PPIH: variants seen among roughly 807,000 people sequenced by gnomAD.
PPIH encodes peptidylprolyl isomerase H.
In PPIH, 16 loss-of-function variants were observed where a neutral mutation model predicts 27.6. The ratio of observed to expected loss-of-function variants is 0.58; its 90% CI spans 0.39 to 0.88. The LOEUF is 0.88. Ranked by LOEUF, PPIH falls within the 40% of genes least tolerant of loss-of-function variation. The pLI, the probability that PPIH is intolerant of heterozygous loss-of-function variation, is 0.00. For synonymous variants in PPIH, 63 were observed against 76.1 expected, an observed-to-expected ratio of 0.83 and a Z score of 0.90; for missense variants, 155 against 224.1, an observed-to-expected ratio of 0.69 and a Z score of 1.97.
chr1:42,673,325 T>C (rs143061721), intron 9 of PPIH, among the ~76,000 whole-genome samples: 1 of 152,318 alleles, frequency 6.6e-6, no homozygotes, highest in Admixed American at 6.5e-5. Flanking sequence ...ATGTATAGCA[T>C]AAATGAACCT....
intron 6 of PPIH, among the ~76,000 whole-genome samples, chr1:42,665,266 G>A (rs1430665607): frequency 6.6e-6 from 1 of 152,030 alleles, no homozygotes; most frequent in Non-Finnish European, 1.5e-5. Flanking sequence ...TTAGCCAGGT[G>A]TGGTGGTGGG....
intron 6 of PPIH, among the ~76,000 whole-genome samples, chr1:42,665,582 G>T (rs1326791201): frequency 6.6e-6 from 1 of 152,112 alleles, no homozygotes; most frequent in Non-Finnish European, 1.5e-5. Flanking sequence ...GCTCACACCT[G>T]TAATCCCAGC....
downstream of PPIH, chr1:42,681,389 G>A (rs1650014581): frequency 6.6e-6 from 1 of 152,156 alleles, no homozygotes; most frequent in Non-Finnish European, 1.5e-5. Flanking sequence ...TGCAGCTCTG[G>A]AGTATTTACC....
chr1:42,671,346 T>C (rs1323630822), intron 9 of PPIH, among the ~76,000 whole-genome samples: 2 of 152,130 alleles, frequency 1.3e-5, no homozygotes, highest in Non-Finnish European at 2.9e-5. Context: ...GAGAATCTCT[T>C]GAACCCGAGA....
intron 4 of PPIH, among the ~76,000 whole-genome samples, chr1:42,660,535 T>C (rs1318390128): frequency 6.6e-6 from 1 of 152,110 alleles, no homozygotes; most frequent in Non-Finnish European, 1.5e-5. Context: ...GTTCAAGCAA[T>C]TCTTCTGCCT....
chr1:42,672,135 G>A (rs895722436), intron 9 of PPIH, among the ~76,000 whole-genome samples: 1 of 151,924 alleles, frequency 6.6e-6, no homozygotes, highest in Admixed American at 6.6e-5. Flanking sequence ...CATCCGCCTC[G>A]GACTCCCAAA....
At chr1:42,662,498 G>T (rs1054547443) in intron 5 of PPIH, among the ~76,000 whole-genome samples, 3 of 151,888 alleles carry the variant, frequency 2.0e-5, no homozygotes, top group African/African-American at 7.3e-5. Context: ...AGGCTGCAGT[G>T]AGCCATGTTC....
Position 42,660,830 on chromosome 1 carries a change from ATCT to A in PPIH, c.201-28_201-26del, listed in dbSNP as rs773758799. ...CATCTATGTTTTTCTAAACCATAAA[ATCT>A]TCTCAGTATTCTTTGCTCTCTGTTT... On this transcript the variant is annotated intron_variant, in intron 4 of 9. Transcript: ENST00000304979. 2.6e-6 allele frequency: 4 copies of A among 1,549,232 alleles called. No individual in the cohort carries two copies. The Admixed American group carries it at 6.1e-5, about 24-fold the overall frequency.
Position 42,658,858 on chromosome 1 carries a change from G to A in PPIH, c.81G>A (p.Met27Ile), listed in dbSNP as rs780070320. 6.2e-7 allele frequency: 1 copy of A among 1,614,252 alleles called. No homozygotes were observed. The highest frequency in any genetic ancestry group is 8.5e-7 in the Non-Finnish European group (1 of 1,180,044). The change falls in exon 2 of 10, where the codon ATG becomes ATA. Residue 27 changes from methionine to isoleucine, a missense_variant. Met to Ile is a conservative substitution (Grantham distance 10). Transcript: ENST00000304979. Reference sequence around the variant, plus strand: ...GCTGATTGCAGGAAGTTGGCCGCATGAAGATCGAGCTCTTTGCAGACGTTG... The same window carrying A: ...GCTGATTGCAGGAAGTTGGCCGCATAAAGATCGAGCTCTTTGCAGACGTTG... Reference protein sequence around the residue: ...VSIGGQEVGRMKIELFADVVP... With the variant: ...VSIGGQEVGRIKIELFADVVP...
intron 9 of PPIH, among the ~76,000 whole-genome samples, chr1:42,673,516 C>T (rs1649744974): frequency 6.6e-6 from 1 of 152,160 alleles, no homozygotes; most frequent in Admixed American, 6.5e-5. Context: ...AGAGAGCTTT[C>T]CTTAATTCAT....
At chr1:42,675,542 C>A (rs1191082054) in intron 9 of PPIH, among the ~76,000 whole-genome samples, 2 of 152,232 alleles carry the variant, frequency 1.3e-5, no homozygotes, top group Admixed American at 1.3e-4. Flanking sequence ...GGTCCTGGCA[C>A]ACCATGCAGC....
Position 42,667,444 on chromosome 1 carries a change from A to T in PPIH, c.*21+4A>T. On this transcript the variant is annotated splice_donor_region_variant and intron_variant, in intron 9 of 9. Transcript: ENST00000304979. ...GTCCAGACAAAGACTGAATCAGGTA[A>T]GTGTGTCTTTCTCCTATTAGGTTAG... 2.6e-6 allele frequency: 4 copies of T among 1,558,018 alleles called. No individual in the cohort carries two copies. The highest frequency in any genetic ancestry group is 3.5e-6 in the Non-Finnish European group (4 of 1,129,280).
chr1:42,675,750 C>G (rs974995743), intron 9 of PPIH, among the ~76,000 whole-genome samples: 2 of 152,170 alleles, frequency 1.3e-5, no homozygotes, highest in Non-Finnish European at 2.9e-5. Context: ...TGCTCGACTT[C>G]AAGGCCATAA....
intron 9 of PPIH, among the ~76,000 whole-genome samples, chr1:42,670,553 A>G (rs1649572724): frequency 1.3e-5 from 2 of 151,938 alleles, no homozygotes; most frequent in South Asian, 4.2e-4. Context: ...CAAAAGTTAT[A>G]TGAACTTTTG....
chr1:42,664,453 C>T lies in PPIH; in HGVS notation c.244-410C>T, dbSNP rs567104425. ...TTGTACATACAGACTGCCAAGAGCT[C>T]ACCCACCCTCTTAGATAGTTTAGGG... On this transcript the variant is annotated intron_variant, in intron 5 of 9. Transcript: ENST00000304979. Among the ~76,000 whole-genome samples the T allele has an allele frequency of 4.6e-5, 7 of 152,282 alleles. No homozygotes were observed. In the South Asian group the frequency reaches 1.5e-3, roughly 32 times the overall value.
chr1:42,672,847 C>T (rs917277415), intron 9 of PPIH, among the ~76,000 whole-genome samples: 5 of 152,080 alleles, frequency 3.3e-5, no homozygotes, highest in Admixed American at 3.3e-4. Context: ...CAGGGTTTCA[C>T]CAAGTTAGCC....
At chr1:42,665,690 GA>G (rs1221854209) in intron 6 of PPIH, among the ~76,000 whole-genome samples, 10 of 145,070 alleles carry the variant, frequency 6.9e-5, no homozygotes, top group South Asian at 2.2e-4. Context: ...ACTTAAAAAA[GA>G]AAAAAAAAAT....
chr1:42,674,771 A>C (rs1649802620), intron 9 of PPIH, among the ~76,000 whole-genome samples: 1 of 152,192 alleles, frequency 6.6e-6, no homozygotes, highest in South Asian at 2.1e-4. Flanking sequence ...GGTCTGGGGA[A>C]CACTGGAGAT....
chr1:42,661,466 A>G (rs1237675666), intron 5 of PPIH, among the ~76,000 whole-genome samples: 1 of 152,114 alleles, frequency 6.6e-6, no homozygotes, highest in African/African-American at 2.4e-5. Flanking sequence ...TTTTTTGCTA[A>G]CCATAGCTTT....
Sources: allele counts gnomAD v4.1 joint callset (sites outside exome capture counted in the v4.1 genomes callset), GRCh38; gene constraint gnomAD v4.1.1; transcripts MANE v1.5; gene names NCBI Gene and HGNC (gene_info 2026-07-23, HGNC 2026-07-21).